The following TMTC2 variants were observed in gnomAD, a reference collection of about 807,000 sequenced individuals.
TMTC2 encodes transmembrane O-mannosyltransferase targeting cadherins 2, also known as protein O-mannosyl-transferase TMTC2.
A neutral mutation model predicts 82.4 loss-of-function variants in TMTC2; 43 were observed. That is an observed-to-expected ratio of 0.52 (90% CI 0.41 to 0.67). TMTC2 has a LOEUF of 0.67. Among genes scored for constraint, TMTC2 ranks in the 30% least tolerant of loss-of-function variants. The probability of loss-of-function intolerance (pLI) is 0.00; values close to 1 mark genes in which losing one functional copy is unlikely to be tolerated. For missense variants in TMTC2, 919 were observed against 1,012.4 expected, an observed-to-expected ratio of 0.91 and a Z score of 1.25; for synonymous variants, 408 against 381.9, an observed-to-expected ratio of 1.07 and a Z score of -0.80.
intron 1 of TMTC2, among the ~76,000 whole-genome samples, chr12:82,764,404 C>T (rs929997934): frequency 2.0e-5 from 3 of 152,086 alleles, no homozygotes; most frequent in Non-Finnish European, 4.4e-5. Flanking sequence ...TCCCAAAGTG[C>T]TGGGATTACA....
intron 4 of TMTC2, among the ~76,000 whole-genome samples, chr12:82,950,291 C>G (rs1021479781): frequency 1.3e-5 from 2 of 152,054 alleles, no homozygotes; most frequent in Non-Finnish European, 2.9e-5. Context: ...AAACTTAAAC[C>G]CCAAGTATTA....
intron 8 of TMTC2, among the ~76,000 whole-genome samples, chr12:83,023,606 G>A (rs965358447): frequency 2.0e-5 from 3 of 152,234 alleles, no homozygotes; most frequent in African/African-American, 7.2e-5. Context: ...GCTCTGCAGT[G>A]GCACTGAGGA....
At chr12:82,796,515 G>A (rs1337442530) in intron 1 of TMTC2, among the ~76,000 whole-genome samples, 1 of 152,056 alleles carries the variant, frequency 6.6e-6, no homozygotes, top group Non-Finnish European at 1.5e-5. Context: ...ACATTTTGGT[G>A]AAAATAATAA....
chr12:82,861,002 A>G (rs1199408546), intron 2 of TMTC2, among the ~76,000 whole-genome samples: 1 of 152,234 alleles, frequency 6.6e-6, no homozygotes, highest in Non-Finnish European at 1.5e-5. Context: ...AGGCTTTAGA[A>G]GATCCATTCA....
At chr12:82,720,270 CTA>C (rs1874142366) in intron 1 of TMTC2, among the ~76,000 whole-genome samples, 1 of 152,054 alleles carries the variant, frequency 6.6e-6, no homozygotes, top group Admixed American at 6.5e-5. Flanking sequence ...AATATACTGT[CTA>C]TATAAGTTTG....
chr12:83,123,375 G>T (rs913691375), intron 11 of TMTC2, among the ~76,000 whole-genome samples: 1 of 152,194 alleles, frequency 6.6e-6, no homozygotes, highest in Non-Finnish European at 1.5e-5. Context: ...TGATCTGTCA[G>T]AATTTGCCTT....
chr12:83,038,927 G>GTTTTTT (rs537630267), intron 9 of TMTC2, among the ~76,000 whole-genome samples: 16 of 109,104 alleles, frequency 1.5e-4, no homozygotes, highest in African/African-American at 1.8e-4. Flanking sequence ...AAGCACCTTG[G>GTTTTTT]TTTTTTTTTT....
At chr12:83,125,642 T>C (rs1274003343) in intron 11 of TMTC2, among the ~76,000 whole-genome samples, 1 of 152,220 alleles carries the variant, frequency 6.6e-6, no homozygotes, top group Non-Finnish European at 1.5e-5. Flanking sequence ...ATTATACTTT[T>C]ACCAGTTGAG....
intron 2 of TMTC2, among the ~76,000 whole-genome samples, chr12:82,872,317 A>G (rs1200601824): frequency 6.6e-6 from 1 of 152,134 alleles, no homozygotes; most frequent in Non-Finnish European, 1.5e-5. Context: ...CTTAAAGGAG[A>G]GGCTTTGTGC....
intron 1 of TMTC2, among the ~76,000 whole-genome samples, chr12:82,752,533 T>A (rs940125661): frequency 1.3e-5 from 2 of 152,000 alleles, no homozygotes; most frequent in African/African-American, 4.8e-5. Context: ...GGAGTTACCC[T>A]GAGTGACGAT....
At chr12:82,770,469 T>C (rs1877230641) in intron 1 of TMTC2, among the ~76,000 whole-genome samples, 2 of 152,004 alleles carry the variant, frequency 1.3e-5, no homozygotes, top group Admixed American at 1.3e-4. Context: ...AGATAGAATT[T>C]AGTATGCCTA....
At chr12:82,743,591 C>T (rs1034145700) in intron 1 of TMTC2, among the ~76,000 whole-genome samples, 15 of 152,228 alleles carry the variant, frequency 9.9e-5, no homozygotes, top group African/African-American at 3.4e-4. Context: ...TTCAACCAGG[C>T]TGGTGGTGTT....
At chr12:82,802,141 C>T (rs1879039413) in intron 1 of TMTC2, among the ~76,000 whole-genome samples, 1 of 152,152 alleles carries the variant, frequency 6.6e-6, no homozygotes, top group African/African-American at 2.4e-5. Context: ...GCATGGTAGG[C>T]TGCAGGTCCC....
intron 2 of TMTC2, among the ~76,000 whole-genome samples, chr12:82,866,016 G>A (rs947697423): frequency 1.3e-5 from 2 of 152,206 alleles, no homozygotes; most frequent in Non-Finnish European, 2.9e-5. Context: ...AAAGCAGTGT[G>A]TAGAGGGAAA....
chr12:82,854,594 A>G (rs933146585), intron 1 of TMTC2, among the ~76,000 whole-genome samples: 1 of 152,130 alleles, frequency 6.6e-6, no homozygotes, highest in African/African-American at 2.4e-5. Flanking sequence ...AGGGAAATAA[A>G]TTTTTTTCTA....
intron 1 of TMTC2, among the ~76,000 whole-genome samples, chr12:82,770,238 G>T (rs1202258685): frequency 1.3e-5 from 2 of 151,944 alleles, no homozygotes; most frequent in Non-Finnish European, 2.9e-5. Flanking sequence ...ATATGACTGT[G>T]GTATATGGTT....
chr12:82,746,255 A>G (rs1875684775), intron 1 of TMTC2, among the ~76,000 whole-genome samples: 1 of 152,134 alleles, frequency 6.6e-6, no homozygotes, highest in African/African-American at 2.4e-5. Context: ...GCATTTTTGT[A>G]TTGAGACAAC....
At chr12:82,961,431 G>A (rs573863891) in intron 4 of TMTC2, among the ~76,000 whole-genome samples, 1 of 151,824 alleles carries the variant, frequency 6.6e-6, no homozygotes, top group East Asian at 1.9e-4. Context: ...TATAAAATTC[G>A]GCAAGTTTTA....
intron 1 of TMTC2, among the ~76,000 whole-genome samples, chr12:82,730,252 G>A (rs6539683): frequency 0.83 from 119,343 of 143,020 alleles, 49,962 homozygotes; most frequent in Non-Finnish European, 0.88. Flanking sequence ...CCAAGATTGC[G>A]CTACTGCACT....
Sources: gnomAD v4.1 joint callset for allele counts (sites outside exome capture counted in the v4.1 genomes callset) on GRCh38, gnomAD v4.1.1 for gene constraint, MANE v1.5 for transcripts, NCBI Gene and HGNC (gene_info 2026-07-23, HGNC 2026-07-21) for gene names.